EEPD1: variants seen among roughly 807,000 people sequenced by gnomAD.
The protein encoded by EEPD1 is endonuclease/exonuclease/phosphatase family domain-containing protein 1.
EEPD1 carries 17 observed loss-of-function variants against 46.3 expected under a neutral mutation model. The observed-to-expected ratio is 0.37, with a 90% confidence interval of 0.25 to 0.55. EEPD1 has a LOEUF of 0.55. Ranked by LOEUF, EEPD1 falls within the 20% of genes least tolerant of loss-of-function variation. EEPD1 has a pLI of 0.83. For missense variants in EEPD1, 673 were observed against 745.6 expected, an observed-to-expected ratio of 0.90 and a Z score of 1.13; for synonymous variants, 313 against 315.6, an observed-to-expected ratio of 0.99 and a Z score of 0.09.
chr7:36,244,894 T>G (rs1786612119), intron 3 of EEPD1, among the ~76,000 whole-genome samples: 1 of 149,378 alleles, frequency 6.7e-6, no homozygotes, highest in Non-Finnish European at 1.5e-5. Flanking sequence ...TGCCTCAGCC[T>G]CCTGAGTAGC....
At chr7:36,252,992 CCTT>C (rs1344065752) in intron 3 of EEPD1, among the ~76,000 whole-genome samples, 3 of 151,494 alleles carry the variant, frequency 2.0e-5, no homozygotes, top group Admixed American at 2.0e-4. Flanking sequence ...ATGTTTCTCT[CCTT>C]CTCCTTCCTT....
Position 36,191,795 on chromosome 7 carries a change from C to T in EEPD1, c.878+36593C>T, listed in dbSNP as rs147599345. On this transcript the variant is annotated intron_variant, in intron 2 of 7. Transcript: ENST00000242108. ...CAGCGGGCAGCACTTGCTGTCTGAT[C>T]GGACATGTTTCATTTTAGGAAATTG... 4.6e-5 allele frequency among the ~76,000 whole-genome samples: 7 copies of T among 152,294 alleles called. No individual in the cohort carries two copies. In the South Asian group the frequency reaches 8.3e-4, roughly 18 times the overall value.
Position 36,284,350 on chromosome 7 carries a change from G to A in EEPD1, c.1042-336G>A, listed in dbSNP as rs577374758. Among the ~76,000 whole-genome samples the A allele has an allele frequency of 4.1e-4, 63 of 152,324 alleles. 1 individual carries two copies. The South Asian group carries it at 0.013, about 31-fold the overall frequency. On this transcript the variant is annotated intron_variant, in intron 4 of 7. Coordinates refer to ENST00000242108, the MANE Select transcript of EEPD1 (RefSeq NM_030636.3). ...TCTTTGAGCAGCAGTGTCCTCATCT[G>A]GGAAATGGAAGCATGAATTGCTACC... is the stretch of plus-strand genomic sequence containing the variant.
chr7:36,172,810 A>G (rs1048154810), intron 2 of EEPD1, among the ~76,000 whole-genome samples: 1 of 8,146 alleles, frequency 1.2e-4, no homozygotes, highest in African/African-American at 1.7e-4. Context: ...ACCAAACCCA[A>G]AAAAAAGGAT....
chr7:36,289,229 A>G (rs1787388524), intron 6 of EEPD1, among the ~76,000 whole-genome samples: 1 of 152,226 alleles, frequency 6.6e-6, no homozygotes, highest in Non-Finnish European at 1.5e-5. Context: ...AGTCAGTGCT[A>G]CTAATGTATT....
At chr7:36,285,335 T>C (rs552619546) in intron 5 of EEPD1, among the ~76,000 whole-genome samples, 7 of 152,132 alleles carry the variant, frequency 4.6e-5, no homozygotes, top group Non-Finnish European at 1.0e-4. Context: ...GCCCGATTCC[T>C]TTATTACCAG....
intron 2 of EEPD1, among the ~76,000 whole-genome samples, chr7:36,176,446 C>T (rs557968547): frequency 7.2e-5 from 11 of 152,266 alleles, no homozygotes; most frequent in South Asian, 2.1e-4. Flanking sequence ...TCGTGAATTC[C>T]GCAAGTTCTC....
At chr7:36,208,239 G>A (rs1785857084) in intron 2 of EEPD1, among the ~76,000 whole-genome samples, 2 of 152,176 alleles carry the variant, frequency 1.3e-5, no homozygotes, top group South Asian at 4.1e-4. Context: ...GGGGCCAGAG[G>A]CACAGGCAGC....
intron 3 of EEPD1, among the ~76,000 whole-genome samples, chr7:36,241,185 C>A (rs1381460311): frequency 6.6e-6 from 1 of 152,140 alleles, no homozygotes; most frequent in Admixed American, 6.5e-5. Flanking sequence ...TTTAAAAAAA[C>A]CATCAGATGG....
chr7:36,170,091 AT>A (rs1465945574), intron 2 of EEPD1, among the ~76,000 whole-genome samples: 1 of 152,118 alleles, frequency 6.6e-6, no homozygotes, highest in Non-Finnish European at 1.5e-5. Flanking sequence ...CACAAATGAC[AT>A]TTTCTATGTA....
intron 2 of EEPD1, among the ~76,000 whole-genome samples, chr7:36,180,306 G>A (rs2540660): frequency 0.97 from 147,000 of 152,270 alleles, 71,181 homozygotes; most frequent in East Asian, 1. Flanking sequence ...ATCCCATTGT[G>A]TCATTTCTGT....
intron 2 of EEPD1, among the ~76,000 whole-genome samples, chr7:36,169,359 A>G (rs1403575644): frequency 6.6e-6 from 1 of 152,220 alleles, no homozygotes; most frequent in Non-Finnish European, 1.5e-5. Context: ...CCAGCAATGT[A>G]TGAGGGGCTA....
chr7:36,235,088 TAGCCTCCAGCCCAGGCCTTCCCCAC>T (rs1786410106), intron 2 of EEPD1, among the ~76,000 whole-genome samples: 3 of 84,730 alleles, frequency 3.5e-5, no homozygotes, highest in Non-Finnish European at 6.9e-5. Flanking sequence ...GCCTTCCCCA[TAGCCTCCAGCCCAGGCCTTCCCCAC>T]AGCCTCCAGC....
chr7:36,267,474 G>C (rs1195302807), intron 3 of EEPD1, among the ~76,000 whole-genome samples: 1 of 152,042 alleles, frequency 6.6e-6, no homozygotes, highest in Non-Finnish European at 1.5e-5. Context: ...GTGCTGCCTA[G>C]CATGCTCTCC....
intron 2 of EEPD1, among the ~76,000 whole-genome samples, chr7:36,231,505 A>G (rs537116725): frequency 3.0e-4 from 45 of 152,014 alleles, no homozygotes; most frequent in Non-Finnish European, 6.2e-4. Flanking sequence ...AACAGACACA[A>G]CCTCTTAGGC....
At chr7:36,199,214 A>G (rs1785668477) in intron 2 of EEPD1, among the ~76,000 whole-genome samples, 1 of 152,024 alleles carries the variant, frequency 6.6e-6, no homozygotes, top group African/African-American at 2.4e-5. Flanking sequence ...AGACCCATCT[A>G]TTTATCAAGG....
intron 2 of EEPD1, among the ~76,000 whole-genome samples, chr7:36,223,335 G>A (rs1358096984): frequency 1.3e-5 from 2 of 152,084 alleles, no homozygotes; most frequent in Non-Finnish European, 2.9e-5. Context: ...TCCACACTGA[G>A]TCACACCAGA....
rs2115910429 is a variant in EEPD1, at chr7:36,299,291, G to A, written c.*85G>A. 3 of 1,442,262 alleles carry A rather than the reference G, an allele frequency of 2.1e-6. No homozygotes were observed. The South Asian group carries it at 4.0e-5, about 19-fold the overall frequency. 89.3% of individuals were successfully genotyped at this position (1,442,262 alleles called of 1,614,324 possible). A position where few individuals can be genotyped will look rare whatever the true frequency, so the allele number is the denominator to read the frequency against. On this transcript the variant is annotated 3_prime_UTR_variant, in exon 8 of 8. Coordinates refer to ENST00000242108, the MANE Select transcript of EEPD1 (RefSeq NM_030636.3). ...CTGTGGGGTGACGCTTCAGGGCAGA[G>A]CTGCCTTTTAATTTTTATTCTCAGA...
At chr7:36,261,158 G>C (rs1322520282) in intron 3 of EEPD1, among the ~76,000 whole-genome samples, 1 of 152,162 alleles carries the variant, frequency 6.6e-6, no homozygotes, top group Admixed American at 6.5e-5. Context: ...AAATGGGTGG[G>C]TGGATGGATG....
Sources: gnomAD v4.1 joint callset for allele counts (sites outside exome capture counted in the v4.1 genomes callset) on GRCh38, gnomAD v4.1.1 for gene constraint, MANE v1.5 for transcripts, NCBI Gene and HGNC (gene_info 2026-07-23, HGNC 2026-07-21) for gene names.